Variants in BTBD3 observed in about 807,000 individuals in gnomAD.
BTBD3 encodes the protein BTB domain containing 3.
A neutral mutation model predicts 41.6 loss-of-function variants in BTBD3; 14 were observed. The observed-to-expected ratio is 0.34, with a 90% CI of 0.22 to 0.53. The LOEUF is 0.53. Ranked by LOEUF, BTBD3 falls within the 20% of genes least tolerant of loss-of-function variation. The probability of loss-of-function intolerance (pLI) is 0.95; values close to 1 mark genes in which losing one functional copy is unlikely to be tolerated. For missense variants in BTBD3, 426 were observed against 654.7 expected (o/e 0.65, Z 3.81); for synonymous variants, 249 against 233.7 (o/e 1.07, Z -0.60).
At chr20:11,899,351 G>A (rs139172066) in intron 1 of BTBD3, among the ~76,000 whole-genome samples, 4 of 152,092 alleles carry the variant, frequency 2.6e-5, no homozygotes, top group Admixed American at 2.6e-4. Context: ...CCTTATAGCA[G>A]TCATTTTATT....
chr20:11,925,336 C>T lies in BTBD3; in HGVS notation c.*1670C>T, dbSNP rs1186958558. ...CCAGCAAGGCCCATGAGTGACTGCCCTGACGTATTCACTGTGCCTCTGGGC... is the reference window on the plus strand; with the variant it reads ...CCAGCAAGGCCCATGAGTGACTGCCTTGACGTATTCACTGTGCCTCTGGGC... On this transcript the variant is annotated 3_prime_UTR_variant, in exon 4 of 4. Coordinates refer to ENST00000378226, the MANE Select transcript of BTBD3 (RefSeq NM_014962.4). 6.5e-6 allele frequency: 1 copy of T among 152,672 alleles called. No individual in the cohort carries two copies. Among genetic ancestry groups the T allele is most frequent in the Non-Finnish European group, 1.5e-5 (1 of 68,054 alleles). The allele number at this position is 152,672 out of a possible 1,614,324, so 9.5% of individuals were successfully genotyped here.
At chr20:11,914,913 G>A (rs956113179), upstream of BTBD3, among the ~76,000 whole-genome samples, 1 of 152,130 alleles carries the variant, frequency 6.6e-6, no homozygotes, top group Admixed American at 6.5e-5. Context: ...TCTTACTGTG[G>A]ATTGAGTGTA....
At chr20:11,910,458 C>T (rs966111390) in intron 1 of BTBD3, 2 of 152,042 alleles carry the variant, frequency 1.3e-5, no homozygotes, top group African/African-American at 4.8e-5. Flanking sequence ...TTGAAAGGGA[C>T]CTCCTGAGCC....
In BTBD3 at chr20:11,926,090, C is replaced by T. The variant is rs1482273046; in HGVS notation, c.*2424C>T. 1 of 152,378 alleles carries T rather than the reference C, an allele frequency of 6.6e-6. No homozygotes were observed. The highest frequency in any genetic ancestry group is 2.4e-5 in the African/African-American group (1 of 41,412). 9.4% of individuals were successfully genotyped at this position (152,378 alleles called of 1,614,324 possible). A position where few individuals can be genotyped will look rare whatever the true frequency, so the allele number is the denominator to read the frequency against. ...AAGGCTAATATGCTTGCTTTATTTA[C>T]TTTTGTAATCTTGGATTTTGTAGCT... On this transcript the variant is annotated 3_prime_UTR_variant, in exon 4 of 4. Coordinates refer to ENST00000378226, the MANE Select transcript of BTBD3 (RefSeq NM_014962.4).
rs1173727354 is a variant in BTBD3 at position 11,919,712 on chromosome 20, A to T, written c.418-6A>T. On this transcript the variant is annotated splice_polypyrimidine_tract_variant and splice_region_variant and intron_variant, in intron 2 of 3. Coordinates refer to ENST00000378226, the MANE Select transcript of BTBD3 (RefSeq NM_014962.4). ...TGTATGAAATAAGATTTCCCTTTCT[A>T]CACAGTATGTTTTAGCTGTTGGGAG... 1 of 1,612,390 alleles carries T rather than the reference A, an allele frequency of 6.2e-7. No individual in the cohort carries two copies.
rs1415049834 is a variant in BTBD3 at position 11,924,597 on chromosome 20, A to G, written c.*931A>G. ...ATTTGTATAAGTCATACTGTGTAGA[A>G]TTTCTATTTTCTTTTTCCCCATTAA... On this transcript the variant is annotated 3_prime_UTR_variant, in exon 4 of 4. Coordinates refer to ENST00000378226, the MANE Select transcript of BTBD3 (RefSeq NM_014962.4). 6.6e-6 allele frequency: 1 copy of G among 152,564 alleles called. No homozygotes were observed. The highest frequency in any genetic ancestry group is 1.5e-5 in the Non-Finnish European group (1 of 68,020). The allele number at this position is 152,564 out of a possible 1,614,324, so 9.5% of individuals were successfully genotyped here.
chr20:11,892,250 G>C (rs1321847663), intron 1 of BTBD3, among the ~76,000 whole-genome samples: 2 of 152,126 alleles, frequency 1.3e-5, no homozygotes, highest in African/African-American at 4.8e-5. Flanking sequence ...TTTCTGTTGA[G>C]GTTACTAAGC....
upstream of BTBD3, among the ~76,000 whole-genome samples, chr20:11,915,172 T>C (rs1306591040): frequency 6.6e-6 from 1 of 152,142 alleles, no homozygotes; most frequent in Non-Finnish European, 1.5e-5. Flanking sequence ...ATTTTTTAAT[T>C]CCTTATTTTT....
intron 1 of BTBD3, among the ~76,000 whole-genome samples, chr20:11,897,961 C>G (rs2056798198): frequency 6.6e-6 from 1 of 152,074 alleles, no homozygotes; most frequent in Non-Finnish European, 1.5e-5. Flanking sequence ...AGTTGAAGAC[C>G]AGCCCGGCCA....
chr20:11,923,591 T>C lies in BTBD3; in HGVS notation c.1494T>C (p.Phe498=). ...EVQCGKVTVQ[F]QCSSDSTNGT... is the part of the protein sequence containing the mutation. ...AGTGTGGCAAAGTGACTGTCCAGTT[T>C]CAGTGCTCCTCAGATAGCACCAATG... Residue 498 remains phenylalanine, a synonymous_variant, in exon 4 of 4, where the codon TTT becomes TTC. Coordinates refer to ENST00000378226, the MANE Select transcript of BTBD3 (RefSeq NM_014962.4). This position sits in a 1 kb window ranked among gnomAD's most constrained non-coding sequence, Gnocchi z 5.3. 6.2e-7 allele frequency: 1 copy of C among 1,614,120 alleles called. No individual in the cohort carries two copies. The highest frequency in any genetic ancestry group is 1.1e-5 in the South Asian group (1 of 91,076).
At chr20:11,915,549 A>G (rs2056912710), upstream of BTBD3, among the ~76,000 whole-genome samples, 1 of 152,048 alleles carries the variant, frequency 6.6e-6, no homozygotes, top group African/African-American at 2.4e-5. Context: ...TCTGGCTGAG[A>G]TTCTGGGTGA....
At chr20:11,902,572 A>T (rs1282926015) in intron 1 of BTBD3, among the ~76,000 whole-genome samples, 3 of 152,224 alleles carry the variant, frequency 2.0e-5, no homozygotes, top group Admixed American at 6.5e-5. Flanking sequence ...TGGGGAGAGA[A>T]AGTGCTCATG....
At chr20:11,892,868 A>G (rs1268431380) in intron 1 of BTBD3, among the ~76,000 whole-genome samples, 1 of 152,164 alleles carries the variant, frequency 6.6e-6, no homozygotes, top group Non-Finnish European at 1.5e-5. Flanking sequence ...ACTTTTGATA[A>G]TTTGTGGCAA....
rs1178631630 is a variant in BTBD3 at position 11,925,678 on chromosome 20, A to G, written c.*2012A>G. 6.6e-6 allele frequency: 1 copy of G among 152,666 alleles called. No homozygotes were observed. The highest frequency in any genetic ancestry group is 2.4e-5 in the African/African-American group (1 of 41,472). The allele number at this position is 152,666 out of a possible 1,614,324, so 9.5% of individuals were successfully genotyped here. ...ATGGTTACACATTTCAGTAACTCAT[A>G]GCTGCTGTGCAAATTGGTAGACCTT... On this transcript the variant is annotated 3_prime_UTR_variant, in exon 4 of 4. Transcript: ENST00000378226.
At chr20:11,905,187 G>T (rs1003002242) in intron 1 of BTBD3, among the ~76,000 whole-genome samples, 1 of 152,140 alleles carries the variant, frequency 6.6e-6, no homozygotes, top group African/African-American at 2.4e-5. Context: ...AGTTTTCCTT[G>T]CAGTGACAGG....
At chr20:11,902,810 G>A (rs1322769881) in intron 1 of BTBD3, among the ~76,000 whole-genome samples, 1 of 152,028 alleles carries the variant, frequency 6.6e-6, no homozygotes, top group African/African-American at 2.4e-5. Flanking sequence ...ATAAATTTTG[G>A]TAACTCTCAT....
At position 11,891,181 on chromosome 20, in the gene BTBD3, G is replaced by A. The variant is rs1039114740; in HGVS notation, c.-126+227G>A. On this transcript the variant is annotated intron_variant, in intron 1 of 4. Transcript: ENST00000254977. Reference sequence around the variant, plus strand: ...GCCGCGCGGGCTGGCTTTCCGAGGGGGGGGGGGTCCCAGTGGGGCGCGTCG... The same window carrying A: ...GCCGCGCGGGCTGGCTTTCCGAGGGAGGGGGGGTCCCAGTGGGGCGCGTCG... 27 of 163,990 alleles carry A rather than the reference G, an allele frequency of 1.6e-4. No individual in the cohort carries two copies. In the South Asian group the frequency reaches 2.8e-3, roughly 17 times the overall value. 10.2% of individuals were successfully genotyped at this position (163,990 alleles called of 1,614,324 possible). A position where few individuals can be genotyped will look rare whatever the true frequency, so the allele number is the denominator to read the frequency against.
intron 1 of BTBD3, among the ~76,000 whole-genome samples, chr20:11,904,665 TTAAG>T (rs1222986013): frequency 5.9e-5 from 9 of 152,164 alleles, no homozygotes; most frequent in Admixed American, 3.3e-4. Flanking sequence ...ATTTAAAAAA[TTAAG>T]TATTTATTTA....
intron 3 of BTBD3, among the ~76,000 whole-genome samples, chr20:11,920,787 G>A (rs578258488): frequency 6.6e-6 from 1 of 152,298 alleles, no homozygotes; most frequent in South Asian, 2.1e-4. Context: ...AAAGTATTCA[G>A]TGGGTCAACA....
Sources: allele counts gnomAD v4.1 joint callset (sites outside exome capture counted in the v4.1 genomes callset), GRCh38; gene constraint gnomAD v4.1.1; non-coding constraint Gnocchi (gnomAD v3.1); transcripts MANE v1.5; gene names NCBI Gene and HGNC (gene_info 2026-07-23, HGNC 2026-07-21).